The following RBM4 variants were observed in gnomAD, a reference collection of about 807,000 sequenced individuals.
The protein encoded by RBM4 is RNA-binding protein 4.
Under a neutral mutation model 29.5 loss-of-function variants are expected in RBM4, and 7 were observed. That is an observed-to-expected ratio of 0.24 (90% confidence interval 0.14 to 0.45). The LOEUF is 0.45. RBM4 is among the 20% of genes least tolerant of loss of function. The pLI, the probability that RBM4 is intolerant of heterozygous loss-of-function variation, is 1.00. For missense variants in RBM4, 387 were observed against 502.3 expected, an observed-to-expected ratio of 0.77 and a Z score of 2.19; for synonymous variants, 220 against 205.4, an observed-to-expected ratio of 1.07 and a Z score of -0.61.
chr11:66,639,491 G>A (rs746174504), intron 1 of RBM4: 4 of 644,050 alleles, frequency 6.2e-6, no homozygotes, highest in Non-Finnish European at 1.0e-5. Context: ...CCTCCCTATT[G>A]CAGACGTCTT....
At chr11:66,641,802 G>T (rs531929934) in intron 2 of RBM4, among the ~76,000 whole-genome samples, 34 of 152,242 alleles carry the variant, frequency 2.2e-4, no homozygotes, top group Non-Finnish European at 4.1e-4. Flanking sequence ...AGTTATTAGG[G>T]TGGTCTTTTT....
intron 2 of RBM4, among the ~76,000 whole-genome samples, chr11:66,654,568 C>T (rs1938903341): frequency 6.6e-6 from 1 of 151,816 alleles, no homozygotes; most frequent in South Asian, 2.1e-4. Context: ...GTGGTGCAAA[C>T]ATGTCTGACT....
At chr11:66,648,612 C>G (rs561365852), downstream of RBM4, among the ~76,000 whole-genome samples, 1 of 151,956 alleles carries the variant, frequency 6.6e-6, no homozygotes, top group Non-Finnish European at 1.5e-5. Flanking sequence ...ATCAGGAGTT[C>G]GAGACCAGCC....
In RBM4 at chr11:66,645,442, G is replaced by A. The variant is rs140900362; in HGVS notation, c.*9-585G>A. Among the ~76,000 whole-genome samples the A allele has an allele frequency of 7.9e-5, 12 of 152,312 alleles. No homozygotes were observed. In the East Asian group the frequency reaches 1.9e-3, roughly 24 times the overall value. ...CAGGGTCATTGGGTAGGCAGTCACTGATTGGGCTGGAAAAGAGACTTGATG... is the reference window on the plus strand; with the variant it reads ...CAGGGTCATTGGGTAGGCAGTCACTAATTGGGCTGGAAAAGAGACTTGATG... On this transcript the variant is annotated intron_variant, in intron 3 of 3. Coordinates refer to ENST00000310092, the MANE Select transcript of RBM4 (RefSeq NM_002896.4).
chr11:66,663,352 C>T (rs1314900615), intron 2 of RBM4, among the ~76,000 whole-genome samples: 5 of 152,146 alleles, frequency 3.3e-5, no homozygotes, highest in Non-Finnish European at 5.9e-5. Flanking sequence ...CTTTTAATAG[C>T]TCATAAGTGA....
chr11:66,663,955 C>G (rs893977268), intron 2 of RBM4, among the ~76,000 whole-genome samples: 2 of 152,034 alleles, frequency 1.3e-5, no homozygotes, highest in African/African-American at 4.8e-5. Flanking sequence ...AGCAGTGTCT[C>G]AAGAATCTGG....
rs1565081889 is a variant in RBM4 at position 66,644,071 on chromosome 11, A to ACGACATGGCCCGGTATGAG, written c.1037_1055dup (p.Glu353HisfsTer5). On this transcript the variant is annotated frameshift_variant, in exon 3 of 4. Transcript: ENST00000310092. LOFTEE classifies it high-confidence loss of function. The stretch of plus-strand genomic sequence containing the variant: ...TCAGCAGCCGCGCGGAATTCTCTGT[A>ACGACATGGCCCGGTATGAG]CGACATGGCCCGGTATGAGCGGGAG... The ACGACATGGCCCGGTATGAG allele has an allele frequency of 3.1e-6, 5 of 1,614,000 alleles. No homozygotes were observed. Among genetic ancestry groups the ACGACATGGCCCGGTATGAG allele is most frequent in the East Asian group, 2.2e-5 (1 of 44,854 alleles).
chr11:66,652,206 C>A (rs1938846826), intron 2 of RBM4: 1 of 152,086 alleles, frequency 6.6e-6, no homozygotes, highest in Admixed American at 6.6e-5. Flanking sequence ...CATTCTCCTG[C>A]CTCAGCCTCC....
At chr11:66,666,105 A>AC (rs1939223211) in exon 3 of RBM4, 1 of 823,762 alleles carries the variant, frequency 1.2e-6, no homozygotes, top group South Asian at 1.9e-5. Context: ...CAACACACCT[A>AC]CATGTCACAC....
intron 2 of RBM4, chr11:66,640,489 A>C (rs1276714792): frequency 2.3e-6 from 1 of 439,486 alleles, no homozygotes. Context: ...CCCTCAGCAC[A>C]GGATCAGAAT....
At chr11:66,667,420 A>G (rs1476733951) in exon 3 of RBM4, 1 of 152,168 alleles carries the variant, frequency 6.6e-6, no homozygotes, top group Non-Finnish European at 1.5e-5. Flanking sequence ...TCCTCTCTTC[A>G]ACAACAAAAA....
At position 66,644,119 on chromosome 11, in the gene RBM4, A is replaced by C. The variant is rs776577491; in HGVS notation, c.1082A>C (p.Tyr361Ser). The change falls in exon 3 of 4, where the codon TAC becomes TCC. Residue 361 changes from tyrosine (Y) to serine (S), a missense_variant. Physicochemically the swap from Tyr to Ser is moderately radical, Grantham distance 144. Around this residue, in one of 2 missense-constraint regions of RBM4, gnomAD observed 281 missense variants for 288.7 expected, o/e 0.97. Transcript: ENST00000310092. ...GAGCAGTATGCCGATCGGGCGCGGT[A>C]CTCAGCCTTTTAAAGCTTGAGGTGA... ...EREQYADRARYSAF is the reference protein window; with the variant it reads ...EREQYADRARSSAF The C allele has an allele frequency of 2.5e-6, 4 of 1,612,568 alleles. No homozygotes were observed. Among genetic ancestry groups the C allele is most frequent in the South Asian group, 1.1e-5 (1 of 90,972 alleles).
intron 2 of RBM4, among the ~76,000 whole-genome samples, chr11:66,662,943 G>A (rs1939112572): frequency 6.6e-6 from 1 of 152,216 alleles, no homozygotes; most frequent in East Asian, 1.9e-4. Context: ...TGGAATGTGT[G>A]CATGGATGGA....
chr11:66,655,962 C>T (rs180831080), intron 2 of RBM4, among the ~76,000 whole-genome samples: 4 of 151,922 alleles, frequency 2.6e-5, no homozygotes, highest in East Asian at 3.9e-4. Flanking sequence ...CAGGAAGAGA[C>T]GGCCCTGAAG....
chr11:66,660,375 CAG>C (rs1000790607), intron 2 of RBM4, among the ~76,000 whole-genome samples: 12 of 127,636 alleles, frequency 9.4e-5, no homozygotes, highest in African/African-American at 3.3e-4. Flanking sequence ...TTTTTTGAGA[CAG>C]AGTCTTGCTC....
At chr11:66,666,688 T>TC (rs1170899453) in exon 3 of RBM4, 5 of 152,452 alleles carry the variant, frequency 3.3e-5, no homozygotes. Context: ...CGGAAGCATG[T>TC]CCCACCCCAT....
rs974224155 is a variant in RBM4, at chr11:66,645,582, CTT to C, written c.*9-443_*9-442del. On this transcript the variant is annotated intron_variant, in intron 3 of 3. Transcript: ENST00000310092. ...GCAGTTGATGCTACTTCTATCTAGA[CTT>C]TGAATGATTTTTAACTCGGACCTTG... Among the ~76,000 whole-genome samples the C allele has an allele frequency of 7.2e-5, 11 of 152,192 alleles. No homozygotes were observed. The East Asian group carries it at 1.7e-3, about 24-fold the overall frequency.
At chr11:66,640,236 G>A (rs760660036) in intron 2 of RBM4, 113 bp downstream of exon 2, 1 of 1,403,904 alleles carries the variant, frequency 7.1e-7, no homozygotes, top group Non-Finnish European at 9.9e-7. Context: ...GGCTGGTGAT[G>A]AAGAAATAAG....
chr11:66,659,759 T>A (rs758857047), intron 2 of RBM4, among the ~76,000 whole-genome samples: 19 of 152,190 alleles, frequency 1.2e-4, no homozygotes, highest in Non-Finnish European at 2.6e-4. Context: ...ATATCACATG[T>A]TGCCTCTTTT....
Sources: allele counts gnomAD v4.1 joint callset (sites outside exome capture counted in the v4.1 genomes callset), GRCh38; gene constraint gnomAD v4.1.1; regional missense constraint gnomAD v4.1.1; transcripts MANE v1.5; gene names NCBI Gene and HGNC (gene_info 2026-07-23, HGNC 2026-07-21).